DNAH11: variants seen among roughly 807,000 people sequenced by gnomAD.
The protein encoded by DNAH11 is axonemal beta dynein heavy chain 11.
In DNAH11, 442 loss-of-function variants were observed where a neutral mutation model predicts 526.0. That is an observed-to-expected ratio of 0.84 (90% CI 0.78 to 0.91). The LOEUF (loss-of-function observed/expected upper bound fraction) is 0.91. Among genes scored for constraint, DNAH11 ranks in the 40% least tolerant of loss-of-function variants. The pLI is 0.00. For synonymous variants in DNAH11, 2,461 were observed against 1,935.9 expected (o/e 1.27, Z -7.12); for missense variants, 6,989 against 5,448.7 (o/e 1.28, Z -8.90).
Position 21,787,580 on chromosome 7 carries a change from T to C in DNAH11, c.9921T>C (p.Tyr3307=), listed in dbSNP as rs369440793. The change falls in exon 60 of 82, where the codon TAT becomes TAC. Residue 3307 remains tyrosine (Y), a synonymous_variant. Transcript: ENST00000409508. ...GGGTCATCAACATCATTAAATTCTA[T>C]GAGGTATCAATCCTAAATTGATTGT... ...CAWVINIIKF[Y]EVYCDVEPKR... is the part of the protein sequence containing the mutation. 9 of 1,608,498 alleles carry C rather than the reference T, an allele frequency of 5.6e-6. No homozygotes were observed. Among genetic ancestry groups the C allele is most frequent in the African/African-American group, 1.3e-5 (1 of 74,938 alleles).
At chr7:21,856,193 A>G (rs1331793735) in intron 68 of DNAH11, among the ~76,000 whole-genome samples, 1 of 152,164 alleles carries the variant, frequency 6.6e-6, no homozygotes, top group Non-Finnish European at 1.5e-5. Flanking sequence ...TTTGGGGATT[A>G]TAATCTGTGT....
chr7:21,659,057 G>A (rs1782137741), intron 30 of DNAH11, 26 bp downstream of exon 30: 1 of 1,511,164 alleles, frequency 6.6e-7, no homozygotes, highest in Non-Finnish European at 8.9e-7. Context: ...GTGATTTTGA[G>A]ACATAAAGGA....
intron 20 of DNAH11, among the ~76,000 whole-genome samples, chr7:21,609,849 C>T (rs1028277865): frequency 6.6e-6 from 1 of 152,124 alleles, no homozygotes; most frequent in Non-Finnish European, 1.5e-5. Context: ...GTAGAAGATG[C>T]TGTTAAGGGT....
rs561420282 is a variant in DNAH11 at position 21,876,044 on chromosome 7, C to T, written c.12195+2543C>T. Among the ~76,000 whole-genome samples, 16 of 152,054 alleles carry T rather than the reference C, an allele frequency of 1.1e-4. 1 individual carries two copies. Among genetic ancestry groups the T allele is most frequent in the East Asian group, 3.9e-4 (2 of 5,154 alleles). Reference sequence around the variant, plus strand: ...GACTACAGGTGCCTGCCACCATGCACGGCTAATTTTTTGAGTTTTTTAGTA... The same window carrying T: ...GACTACAGGTGCCTGCCACCATGCATGGCTAATTTTTTGAGTTTTTTAGTA... On this transcript the variant is annotated intron_variant, in intron 74 of 81. Transcript: ENST00000409508.
chr7:21,631,605 G>A (rs137924991), intron 25 of DNAH11, among the ~76,000 whole-genome samples: 157 of 152,276 alleles, frequency 1.0e-3, no homozygotes, highest in African/African-American at 3.4e-3. Flanking sequence ...GAAATCCAGC[G>A]GGGCAGTCAA....
In DNAH11 at chr7:21,687,247, G is replaced by T. The variant is rs1783416545; in HGVS notation, c.5770G>T (p.Asp1924Tyr). ...VYVFNCSEQM[D>Y]YKSIGNIYKG... ...TGTATTCAACTGTTCAGAGCAAATG[G>T]ACTACAAAGTAAGTTAGTAAGAGAA... The change falls in exon 33 of 82, where the codon GAC (aspartate) becomes TAC (tyrosine). Residue 1924 changes from aspartate (D) to tyrosine (Y), a missense_variant. By Grantham distance (160) the Asp-to-Tyr change is radical. Transcript: ENST00000409508. The T allele has an allele frequency of 6.3e-7, 1 of 1,582,212 alleles. No homozygotes were observed. The highest frequency in any genetic ancestry group is 8.6e-7 in the Non-Finnish European group (1 of 1,164,698).
chr7:21,835,161 T>G (rs1355929449), intron 65 of DNAH11, among the ~76,000 whole-genome samples: 2 of 151,440 alleles, frequency 1.3e-5, no homozygotes, highest in East Asian at 3.9e-4. Flanking sequence ...CCTGATGCAT[T>G]TACTGCAGAA....
chr7:21,866,035 T>C (rs529886115), intron 70 of DNAH11, among the ~76,000 whole-genome samples: 1 of 152,330 alleles, frequency 6.6e-6, no homozygotes, highest in Admixed American at 6.5e-5. Context: ...GCAAGCTGTT[T>C]TATCTTTATG....
chr7:21,835,130 C>T (rs1781943196), intron 65 of DNAH11, among the ~76,000 whole-genome samples: 1 of 150,904 alleles, frequency 6.6e-6, no homozygotes, highest in Admixed American at 6.6e-5. Context: ...AAAAGTGTCC[C>T]ATCAAAGAAG....
chr7:21,742,813 T>A (rs1027448325), intron 49 of DNAH11, among the ~76,000 whole-genome samples: 5 of 152,208 alleles, frequency 3.3e-5, no homozygotes, highest in Non-Finnish European at 7.3e-5. Flanking sequence ...TATAATGTCT[T>A]TGTCTGCGCT....
chr7:21,654,508 T>A (rs770349022), intron 28 of DNAH11, among the ~76,000 whole-genome samples: 2 of 152,224 alleles, frequency 1.3e-5, no homozygotes, highest in Non-Finnish European at 2.9e-5. Flanking sequence ...TTAGGTTGTT[T>A]CCGCCTTTTG....
At chr7:21,765,624 A>C (rs779311086) in intron 55 of DNAH11, 35 bp downstream of exon 55, 2 of 760,420 alleles carry the variant, frequency 2.6e-6, no homozygotes, top group Admixed American at 5.6e-5. Flanking sequence ...ACACACACAC[A>C]CACACACACA....
chr7:21,766,239 A>G lies in DNAH11; in HGVS notation c.9102+650A>G, dbSNP rs1787180341. Among the ~76,000 whole-genome samples, 5 of 152,330 alleles carry G rather than the reference A, an allele frequency of 3.3e-5. No homozygotes were observed. In the South Asian group the frequency reaches 1.0e-3, roughly 32 times the overall value. On this transcript the variant is annotated intron_variant, in intron 55 of 81. Transcript: ENST00000409508. ...ACAAAACAAAACAACAAAAGCTTCA[A>G]GCATTCAGATTCAGAGGGAAAAAGG...
rs544266310 is a variant in DNAH11 at position 21,630,491 on chromosome 7, A to T, written c.4501-5380A>T. ...AGAATTTCCTTTAGCATTTTTTGTA[A>T]AACTATTCTGGTGGTGGCGAATTAG... On this transcript the variant is annotated intron_variant, in intron 25 of 81. Coordinates refer to ENST00000409508, the MANE Select transcript of DNAH11 (RefSeq NM_001277115.2). Among the ~76,000 whole-genome samples the T allele has an allele frequency of 9.9e-5, 15 of 152,282 alleles. No individual in the cohort carries two copies. The South Asian group carries it at 3.1e-3, about 32-fold the overall frequency.
At chr7:21,831,916 C>T (rs1356871601) in intron 65 of DNAH11, among the ~76,000 whole-genome samples, 1 of 151,918 alleles carries the variant, frequency 6.6e-6, no homozygotes, top group Non-Finnish European at 1.5e-5. Context: ...AAGGTGAAAC[C>T]CCATCTCTAC....
At chr7:21,635,698 C>A (rs2128459339) in intron 25 of DNAH11, among the ~76,000 whole-genome samples, 173 bp from the exon 26 acceptor site, 1 of 152,106 alleles carries the variant, frequency 6.6e-6, no homozygotes, top group East Asian at 1.9e-4. Flanking sequence ...ATATTTACTA[C>A]CATTAATTCA....
At chr7:21,552,866 T>G (rs1449189970) in intron 2 of DNAH11, among the ~76,000 whole-genome samples, 1 of 147,834 alleles carries the variant, frequency 6.8e-6, no homozygotes, top group Non-Finnish European at 1.5e-5. Context: ...GAGGAGGGTG[T>G]AGGGGTTAGG....
At chr7:21,629,026 G>A (rs1403789300) in intron 25 of DNAH11, among the ~76,000 whole-genome samples, 3 of 151,884 alleles carry the variant, frequency 2.0e-5, no homozygotes, top group Non-Finnish European at 4.4e-5. Flanking sequence ...CTACTTTTTT[G>A]ATATATGTGC....
chr7:21,730,254 A>G (rs1396023547), intron 45 of DNAH11, among the ~76,000 whole-genome samples: 3 of 152,234 alleles, frequency 2.0e-5, no homozygotes, highest in Non-Finnish European at 4.4e-5. Flanking sequence ...TGAACAGACA[A>G]AGAAAATGAG....
Sources: gnomAD v4.1 joint callset for allele counts (sites outside exome capture counted in the v4.1 genomes callset) on GRCh38, gnomAD v4.1.1 for gene constraint, MANE v1.5 for transcripts, NCBI Gene and HGNC (gene_info 2026-07-23, HGNC 2026-07-21) for gene names.